ZHX1: variants seen among roughly 807,000 people sequenced by gnomAD.
ZHX1 encodes the protein zinc fingers and homeoboxes protein 1.
Under a neutral mutation model 61.8 loss-of-function variants are expected in ZHX1, and 20 were observed. That is an observed-to-expected ratio of 0.32 (90% CI 0.23 to 0.47). The LOEUF (loss-of-function observed/expected upper bound fraction) is 0.47. ZHX1 is among the 20% of genes least tolerant of loss of function. ZHX1 has a pLI of 1.00. For missense variants in ZHX1, 800 were observed against 1,034.8 expected, an observed-to-expected ratio of 0.77 and a Z score of 3.11; for synonymous variants, 318 against 352.6, an observed-to-expected ratio of 0.90 and a Z score of 1.10.
At chr8:123,263,015 G>C (rs1484399895) in intron 2 of ZHX1, 7 of 146,630 alleles carry the variant, frequency 4.8e-5, no homozygotes, top group African/African-American at 5.0e-5. Flanking sequence ...AGAAGGAAGA[G>C]AAGCGGGAAG....
At chr8:123,257,895 T>C (rs1300310129) in intron 2 of ZHX1, among the ~76,000 whole-genome samples, 1 of 152,168 alleles carries the variant, frequency 6.6e-6, no homozygotes, top group African/African-American at 2.4e-5. Flanking sequence ...TTTGGTCCCA[T>C]TTCCTCCCGT....
chr8:123,271,573 TTTAAGTA>T (rs1470201025), intron 1 of ZHX1, among the ~76,000 whole-genome samples: 1 of 152,222 alleles, frequency 6.6e-6, no homozygotes, highest in African/African-American at 2.4e-5. Context: ...AGCATTTTCA[TTTAAGTA>T]TTAAGTTATA....
Position 123,255,366 on chromosome 8 carries a change from T to C in ZHX1, c.581A>G (p.Lys194Arg). 2 of 1,613,942 alleles carry C rather than the reference T, an allele frequency of 1.2e-6. No homozygotes were observed. Among genetic ancestry groups the C allele is most frequent in the Non-Finnish European group, 1.7e-6 (2 of 1,180,008 alleles). Reference protein sequence around the residue: ...MKMMKNKVENKRIAVHHNSVE... With the variant: ...MKMMKNKVENRRIAVHHNSVE... Reference sequence around the variant, plus strand: ...TGAGTTATGATGAACTGCAATCCGTTTATTTTCCACTTTATTTTTCATCAT... The same window carrying C: ...TGAGTTATGATGAACTGCAATCCGTCTATTTTCCACTTTATTTTTCATCAT... The change falls in exon 3 of 4, where the codon AAA becomes AGA. Residue 194 changes from lysine (K) to arginine (R), a missense_variant. Coordinates refer to ENST00000395571, the MANE Select transcript of ZHX1 (RefSeq NM_007222.5).
Position 123,256,051 on chromosome 8 carries a change from A to G in ZHX1, c.-105T>C. 9.3e-7 allele frequency: 1 copy of G among 1,079,592 alleles called. No individual in the cohort carries two copies. Among genetic ancestry groups the G allele is most frequent in the Non-Finnish European group, 1.3e-6 (1 of 764,326 alleles). 66.9% of individuals were successfully genotyped at this position (1,079,592 alleles called of 1,614,324 possible). A position where few individuals can be genotyped will look rare whatever the true frequency, so the allele number is the denominator to read the frequency against. On this transcript the variant is annotated 5_prime_UTR_variant, in exon 3 of 4. The change abolishes an upstream ATG in the 5' untranslated region. Transcript: ENST00000395571. ...CAATGGCTTTTGGTTCTTCAAGTCC[A>G]TTTTTGTGCTCAACAAGTCTCATTA...
intron 1 of ZHX1, among the ~76,000 whole-genome samples, chr8:123,269,395 A>AG (rs1365877656): frequency 2.0e-5 from 3 of 152,212 alleles, no homozygotes; most frequent in Non-Finnish European, 2.9e-5. Flanking sequence ...ATGTTATTTA[A>AG]GTTCCTGATA....
chr8:123,260,674 C>G (rs1269378292), intron 2 of ZHX1, among the ~76,000 whole-genome samples: 1 of 151,994 alleles, frequency 6.6e-6, no homozygotes, highest in African/African-American at 2.4e-5. Flanking sequence ...TCAGTTTCAT[C>G]AAAAATCCTC....
rs1254378942 is a variant in ZHX1 at position 123,255,150 on chromosome 8, G to A, written c.797C>T (p.Ala266Val). ...ATTAGAATTCTGCTGAGCAGATACAGCAGTTATCACCTGTGCCAATCCAGG... is the reference window on the plus strand; with the variant it reads ...ATTAGAATTCTGCTGAGCAGATACAACAGTTATCACCTGTGCCAATCCAGG... ...VLPGLAQVIT[A>V]VSAQQNSNLI... The change falls in exon 3 of 4, where the codon GCT becomes GTT. Residue 266 changes from alanine to valine, a missense_variant. By Grantham distance (64) the Ala-to-Val change is moderately conservative. Transcript: ENST00000395571. 2 of 1,614,064 alleles carry A rather than the reference G, an allele frequency of 1.2e-6. No homozygotes were observed. Among genetic ancestry groups the A allele is most frequent in the South Asian group, 2.2e-5 (2 of 91,094 alleles).
At chr8:123,268,472 T>G (rs981966639) in intron 1 of ZHX1, among the ~76,000 whole-genome samples, 1 of 152,160 alleles carries the variant, frequency 6.6e-6, no homozygotes, top group Admixed American at 6.6e-5. Flanking sequence ...ATAACACTTT[T>G]GAAGGGTTAA....
At position 123,267,240 on chromosome 8, in the gene ZHX1, A is replaced by G. The variant is rs547836178; in HGVS notation, c.-226+33T>C. 1.1e-5 allele frequency: 17 copies of G among 1,526,928 alleles called. No homozygotes were observed. In the East Asian group the frequency reaches 2.2e-4, roughly 20 times the overall value. 94.6% of individuals were successfully genotyped at this position (1,526,928 alleles called of 1,614,324 possible). A position where few individuals can be genotyped will look rare whatever the true frequency, so the allele number is the denominator to read the frequency against. Reference sequence around the variant, plus strand: ...CTAAAGTGAGTACATTCAGTATCTGAGTTTTACCATACCAAAACAATGAAA... The same window carrying G: ...CTAAAGTGAGTACATTCAGTATCTGGGTTTTACCATACCAAAACAATGAAA... On this transcript the variant is annotated intron_variant, in intron 2 of 3. Coordinates refer to ENST00000395571, the MANE Select transcript of ZHX1 (RefSeq NM_007222.5).
At chr8:123,252,107 AAAT>A (rs1443682353) in intron 3 of ZHX1, among the ~76,000 whole-genome samples, 2 of 152,182 alleles carry the variant, frequency 1.3e-5, no homozygotes, top group Non-Finnish European at 1.5e-5. Context: ...CTCACGTATA[AAAT>A]AATAATGAGG....
Position 123,253,954 on chromosome 8 carries a change from A to G in ZHX1, c.1993T>C (p.Cys665Arg). The change falls in exon 3 of 4, where the codon TGT becomes CGT. Residue 665 changes from cysteine to arginine, a missense_variant. Coordinates refer to ENST00000395571, the MANE Select transcript of ZHX1 (RefSeq NM_007222.5). ...APKSGSTGKI[C>R]KKTPEQLHML... Reference sequence around the variant, plus strand: ...TGCAGCTGCTCAGGTGTTTTTTTACATATCTTGCCTGTACTCCCTGACTTA... The same window carrying G: ...TGCAGCTGCTCAGGTGTTTTTTTACGTATCTTGCCTGTACTCCCTGACTTA... 1 of 1,614,162 alleles carries G rather than the reference A, an allele frequency of 6.2e-7. No homozygotes were observed.
rs766157405 is a variant in ZHX1, at chr8:123,254,522, T to C, written c.1425A>G (p.Gln475=). ...FGIRAKKTKE[Q]LAELKVSYLK... is the part of the protein sequence containing the mutation. The stretch of plus-strand genomic sequence containing the variant: ...GGTAGCTAACTTTTAATTCTGCCAG[T>C]TGCTCTTTTGTCTTTTTTGCCCGAA... Residue 475 remains glutamine (Q), a synonymous_variant, in exon 3 of 4, where the codon CAA becomes CAG. Transcript: ENST00000395571. The surrounding 1 kb of genome is among the most constrained non-coding windows in gnomAD (Gnocchi z 4.1). The C allele has an allele frequency of 6.2e-7, 1 of 1,613,936 alleles. No individual in the cohort carries two copies. The highest frequency in any genetic ancestry group is 8.5e-7 in the Non-Finnish European group (1 of 1,179,968).
chr8:123,273,162 A>C (rs1826711932), intron 1 of ZHX1, among the ~76,000 whole-genome samples: 1 of 152,136 alleles, frequency 6.6e-6, no homozygotes, highest in South Asian at 2.1e-4. Flanking sequence ...AAGGATATCA[A>C]ATGGAATCTT....
Position 123,255,310 on chromosome 8 carries a change from C to A in ZHX1, c.637G>T (p.Glu213Ter). Residue 213 changes from glutamate to a stop codon, truncating the protein, a stop_gained, in exon 3 of 4, where the codon GAA becomes TAA. Coordinates refer to ENST00000395571, the MANE Select transcript of ZHX1 (RefSeq NM_007222.5). LOFTEE classifies it high-confidence loss of function. ...ATTTCTTCACGGTCTGGTTTGATTT[C>A]ATTCTCTTTCTCTTCAGGAACGTCC... is the stretch of plus-strand genomic sequence containing the variant. ...VEDVPEEKENEIKPDREEIVE... is the reference protein window; with the variant it reads ...VEDVPEEKEN 1.2e-6 allele frequency: 2 copies of A among 1,614,130 alleles called. No individual in the cohort carries two copies. Among genetic ancestry groups the A allele is most frequent in the Non-Finnish European group, 1.7e-6 (2 of 1,180,018 alleles).
At position 123,249,806 on chromosome 8, in the gene ZHX1, T is replaced by C. The variant is rs1480734730; in HGVS notation, c.*518A>G. On this transcript the variant is annotated 3_prime_UTR_variant, in exon 4 of 4. Transcript: ENST00000395571. Reference sequence around the variant, plus strand: ...CACAACTTTTAATCTTAGTGCAGGGTCTGATAAATAAGACATAGTAATAAA... The same window carrying C: ...CACAACTTTTAATCTTAGTGCAGGGCCTGATAAATAAGACATAGTAATAAA... The C allele has an allele frequency of 6.6e-6, 1 of 152,342 alleles. No homozygotes were observed. Among genetic ancestry groups the C allele is most frequent in the Non-Finnish European group, 1.5e-5 (1 of 68,156 alleles). The allele number at this position is 152,342 out of a possible 1,614,324, so 9.4% of individuals were successfully genotyped here.
intron 2 of ZHX1, among the ~76,000 whole-genome samples, chr8:123,259,906 T>A (rs149217716): frequency 0.017 from 2,654 of 152,306 alleles, 61 homozygotes; most frequent in African/African-American, 0.06. Context: ...ACGCCTTTAA[T>A]CCCAGCACTT....
chr8:123,255,142 C>A lies in ZHX1; in HGVS notation c.805G>T (p.Ala269Ser). 1.2e-6 allele frequency: 2 copies of A among 1,614,176 alleles called. No homozygotes were observed. The highest frequency in any genetic ancestry group is 1.7e-6 in the Non-Finnish European group (2 of 1,180,012). Residue 269 changes from alanine to serine, a missense_variant, in exon 3 of 4, where the codon GCT becomes TCT. Ala to Ser is a moderately conservative substitution (Grantham distance 99). Transcript: ENST00000395571. ...GLAQVITAVSAQQNSNLIPKV... is the reference protein window; with the variant it reads ...GLAQVITAVSSQQNSNLIPKV... Reference sequence around the variant, plus strand: ...GGAATCAAATTAGAATTCTGCTGAGCAGATACAGCAGTTATCACCTGTGCC... The same window carrying A: ...GGAATCAAATTAGAATTCTGCTGAGAAGATACAGCAGTTATCACCTGTGCC...
chr8:123,268,039 T>C lies in ZHX1; in HGVS notation c.-339-653A>G, dbSNP rs3107196. ...TAAATAAATAAGTATACAAAGGTTA[T>C]GAAGACAATTTAGTTAAACTAAGAA... is the stretch of plus-strand genomic sequence containing the variant. On this transcript the variant is annotated intron_variant, in intron 1 of 3. Coordinates refer to ENST00000395571, the MANE Select transcript of ZHX1 (RefSeq NM_007222.5). Among the ~76,000 whole-genome samples the C allele has an allele frequency of 5.4e-3, 823 of 152,130 alleles. 7 individuals carry two copies. The highest frequency in any genetic ancestry group is 7.1e-3 in the Non-Finnish European group (485 of 68,026).
At position 123,266,269 on chromosome 8, in the gene ZHX1, G is replaced by T. The variant is rs534411063; in HGVS notation, c.-226+1004C>A. ...GTCTTTTACAGCCAGTCTAACACAA[G>T]AATGCTATTCTCAGTTCCAAGTGAG... On this transcript the variant is annotated intron_variant, in intron 2 of 3. Transcript: ENST00000395571. Among the ~76,000 whole-genome samples, 3 of 152,240 alleles carry T rather than the reference G, an allele frequency of 2.0e-5. No homozygotes were observed. In the East Asian group the frequency reaches 5.8e-4, roughly 29 times the overall value.
Sources: allele counts gnomAD v4.1 joint callset (sites outside exome capture counted in the v4.1 genomes callset), GRCh38; gene constraint gnomAD v4.1.1; non-coding constraint Gnocchi (gnomAD v3.1); transcripts MANE v1.5; gene names NCBI Gene and HGNC (gene_info 2026-07-23, HGNC 2026-07-21).